PTPRD: variants seen among roughly 807,000 people sequenced by gnomAD.
The protein encoded by PTPRD is protein tyrosine phosphatase receptor type D.
PTPRD carries 34 observed loss-of-function variants against 214.5 expected under a neutral mutation model. The observed-to-expected ratio is 0.16, with a 90% CI of 0.12 to 0.21. The LOEUF (loss-of-function observed/expected upper bound fraction) is 0.21. PTPRD is among the 10% of genes least tolerant of loss of function. The probability of loss-of-function intolerance (pLI) is 1.00; values close to 1 mark genes in which losing one functional copy is unlikely to be tolerated. For synonymous variants in PTPRD, 1,128 were observed against 845.7 expected (o/e 1.33, Z -5.79); for missense variants, 2,545 against 2,398.7 (o/e 1.06, Z -1.27).
intron 7 of PTPRD, among the ~76,000 whole-genome samples, chr9:9,703,570 T>A (rs1051011291): frequency 6.6e-6 from 1 of 152,166 alleles, no homozygotes; most frequent in Non-Finnish European, 1.5e-5. Context: ...ACACATTACA[T>A]TTTGAGAAAC....
At chr9:8,771,479 G>A (rs961611463) in intron 11 of PTPRD, among the ~76,000 whole-genome samples, 1 of 152,156 alleles carries the variant, frequency 6.6e-6, no homozygotes, top group African/African-American at 2.4e-5. Flanking sequence ...CCAAAAACAG[G>A]TGACAAGTCT....
intron 5 of PTPRD, among the ~76,000 whole-genome samples, chr9:9,823,313 A>C (rs2051451248): frequency 6.6e-6 from 1 of 151,918 alleles, no homozygotes; most frequent in South Asian, 2.1e-4. Context: ...CACATGGTGA[A>C]AATAGGAGCA....
At chr9:10,082,594 T>A (rs990394604) in intron 3 of PTPRD, among the ~76,000 whole-genome samples, 1 of 152,020 alleles carries the variant, frequency 6.6e-6, no homozygotes, top group Non-Finnish European at 1.5e-5. Flanking sequence ...AAACTTCATA[T>A]GCATCTCAAG....
chr9:10,560,101 A>C (rs1175465235), intron 2 of PTPRD, among the ~76,000 whole-genome samples: 1 of 152,180 alleles, frequency 6.6e-6, no homozygotes, highest in African/African-American at 2.4e-5. Context: ...ATAAAAACAC[A>C]TGCACACGTA....
chr9:8,539,443 T>C (rs1013182218), intron 14 of PTPRD, among the ~76,000 whole-genome samples: 5 of 151,916 alleles, frequency 3.3e-5, no homozygotes, highest in African/African-American at 1.2e-4. Flanking sequence ...GTAGTAGTCC[T>C]AAAAATACCA....
intron 2 of PTPRD, among the ~76,000 whole-genome samples, chr9:10,538,151 G>C (rs1232112166): frequency 1.3e-5 from 2 of 151,856 alleles, no homozygotes; most frequent in African/African-American, 4.8e-5. Flanking sequence ...CAATCACTGT[G>C]TTCAAATAAA....
At chr9:8,889,111 AC>A (rs1449003055) in intron 11 of PTPRD, among the ~76,000 whole-genome samples, 16 of 152,302 alleles carry the variant, frequency 1.1e-4, no homozygotes, top group African/African-American at 3.8e-4. Flanking sequence ...GAGGGTATAA[AC>A]CAAGGAATTC....
At chr9:10,287,433 TC>T in intron 3 of PTPRD, among the ~76,000 whole-genome samples, 1 of 152,202 alleles carries the variant, frequency 6.6e-6, no homozygotes, top group East Asian at 1.9e-4. Flanking sequence ...CTGCATTCAG[TC>T]CCCGCATGGA....
At chr9:10,031,639 T>TACACACACACAC (rs1227970344) in intron 4 of PTPRD, among the ~76,000 whole-genome samples, 5 of 75,362 alleles carry the variant, frequency 6.6e-5, no homozygotes, top group African/African-American at 5.0e-4. Context: ...TATATATATA[T>TACACACACACAC]ATATATATAC....
At chr9:8,602,323 G>A (rs16928175) in intron 14 of PTPRD, among the ~76,000 whole-genome samples, 14,201 of 152,090 alleles carry the variant, frequency 0.093, 789 homozygotes, top group East Asian at 0.17. Context: ...ATTGCCCAGG[G>A]CTTCTGAGAC....
chr9:10,292,497 G>A lies in PTPRD; in HGVS notation c.-545+48466C>T, dbSNP rs866299818. Among the ~76,000 whole-genome samples the A allele has an allele frequency of 4.6e-5, 7 of 152,096 alleles. 1 individual carries two copies. In the Middle Eastern group the frequency reaches 0.01, roughly 222 times the overall value. On this transcript the variant is annotated intron_variant, in intron 3 of 45. Transcript: ENST00000381196. ...ATTGTCTACAAAGATCATATGATCTGTACAGCCTAGATATCAGAGTGAAGA... is the reference window on the plus strand; with the variant it reads ...ATTGTCTACAAAGATCATATGATCTATACAGCCTAGATATCAGAGTGAAGA...
At chr9:9,775,029 A>G (rs184834939) in intron 5 of PTPRD, among the ~76,000 whole-genome samples, 1 of 152,286 alleles carries the variant, frequency 6.6e-6, no homozygotes, top group East Asian at 1.9e-4. Flanking sequence ...AAAGGAGACA[A>G]GATGAAGGAA....
intron 11 of PTPRD, among the ~76,000 whole-genome samples, chr9:8,946,657 C>G (rs2099066446): frequency 6.6e-6 from 1 of 152,080 alleles, no homozygotes; most frequent in South Asian, 2.1e-4. Context: ...GGCCAAGGAC[C>G]AGGGAGTGCA....
chr9:8,643,161 AATTTG>A (rs1274933464), intron 12 of PTPRD, among the ~76,000 whole-genome samples: 2 of 152,206 alleles, frequency 1.3e-5, no homozygotes, highest in African/African-American at 2.4e-5. Context: ...TTAGTTTTAA[AATTTG>A]ATTTAAGAAG....
At chr9:9,469,681 G>T (rs2094459975) in intron 8 of PTPRD, among the ~76,000 whole-genome samples, 1 of 152,208 alleles carries the variant, frequency 6.6e-6, no homozygotes, top group South Asian at 2.1e-4. Context: ...TACAAAGTTG[G>T]TGCTTTCTAA....
At chr9:9,413,575 C>T (rs1447192675) in intron 8 of PTPRD, among the ~76,000 whole-genome samples, 1 of 152,046 alleles carries the variant, frequency 6.6e-6, no homozygotes, top group Non-Finnish European at 1.5e-5. Context: ...ACAAAGAAAA[C>T]CAAACTAGAA....
intron 12 of PTPRD, among the ~76,000 whole-genome samples, chr9:8,682,912 A>G (rs72700349): frequency 0.07 from 10,680 of 151,864 alleles, 1,188 homozygotes; most frequent in African/African-American, 0.23. Flanking sequence ...TGCTGTTGCT[A>G]TTTTGTTTTC....
chr9:9,383,991 G>A (rs1204028252), intron 9 of PTPRD, among the ~76,000 whole-genome samples: 1 of 151,812 alleles, frequency 6.6e-6, no homozygotes, highest in Non-Finnish European at 1.5e-5. Context: ...ACAAGGCCCT[G>A]TGCACACACA....
intron 2 of PTPRD, among the ~76,000 whole-genome samples, chr9:10,417,655 G>A (rs2098505131): frequency 6.6e-6 from 1 of 151,632 alleles, no homozygotes; most frequent in South Asian, 2.1e-4. Flanking sequence ...AGTAATGCAT[G>A]TTATTACTTA....
Sources: gnomAD v4.1 joint callset for allele counts (sites outside exome capture counted in the v4.1 genomes callset) on GRCh38, gnomAD v4.1.1 for gene constraint, MANE v1.5 for transcripts, NCBI Gene and HGNC (gene_info 2026-07-23, HGNC 2026-07-21) for gene names.